FHOD3: variants seen among roughly 807,000 people sequenced by gnomAD.
FHOD3 encodes formin homology 2 domain containing 3.
A neutral mutation model predicts 173.0 loss-of-function variants in FHOD3; 90 were observed. That is an observed-to-expected ratio of 0.52 (90% CI 0.44 to 0.62). The LOEUF (loss-of-function observed/expected upper bound fraction) is 0.62. FHOD3 is among the 20% of genes least tolerant of loss of function. The probability of loss-of-function intolerance (pLI) is 0.00; values close to 1 mark genes in which losing one functional copy is unlikely to be tolerated. For synonymous variants in FHOD3, 828 were observed against 823.0 expected, an observed-to-expected ratio of 1.01 and a Z score of -0.10; for missense variants, 1,945 against 2,034.7, an observed-to-expected ratio of 0.96 and a Z score of 0.85.
chr18:36,699,375 ACACT>A (rs2039456004), intron 17 of FHOD3, among the ~76,000 whole-genome samples: 1 of 152,194 alleles, frequency 6.6e-6, no homozygotes, highest in Admixed American at 6.5e-5. Context: ...GCATCTGGAG[ACACT>A]CACAGAGAAT....
intron 17 of FHOD3, among the ~76,000 whole-genome samples, chr18:36,696,861 G>C (rs2039313606): frequency 6.6e-6 from 1 of 152,146 alleles, no homozygotes; most frequent in Non-Finnish European, 1.5e-5. Context: ...CCCAAAGTTT[G>C]GGCAAACATG....
chr18:36,582,357 G>A (rs2058882648), intron 6 of FHOD3, among the ~76,000 whole-genome samples: 1 of 152,300 alleles, frequency 6.6e-6, no homozygotes, highest in Non-Finnish European at 1.5e-5. Flanking sequence ...GTAAATAATA[G>A]AATCCTAGCC....
chr18:36,642,582 C>CAAAAAAAAAAAAAA, intron 10 of FHOD3, among the ~76,000 whole-genome samples: 1 of 61,818 alleles, frequency 1.6e-5, no homozygotes, highest in Non-Finnish European at 3.7e-5. Flanking sequence ...GACTCCGTCT[C>CAAAAAAAAAAAAAA]AAAAAAAAAA....
intron 3 of FHOD3, among the ~76,000 whole-genome samples, chr18:36,398,239 T>C (rs2048643333): frequency 6.6e-6 from 1 of 152,226 alleles, no homozygotes; most frequent in Admixed American, 6.5e-5. Context: ...ATGAAAACAA[T>C]TCAGTGCTAT....
chr18:36,655,121 T>G (rs1049540442), intron 13 of FHOD3, among the ~76,000 whole-genome samples: 1 of 148,846 alleles, frequency 6.7e-6, no homozygotes, highest in East Asian at 2.0e-4. Flanking sequence ...TCCTTGAAAC[T>G]ACAAGTTCTC....
chr18:36,370,882 G>T (rs2047151665), intron 2 of FHOD3, among the ~76,000 whole-genome samples: 1 of 152,148 alleles, frequency 6.6e-6, no homozygotes, highest in South Asian at 2.1e-4. Context: ...TTCTTGGCAA[G>T]TCAAACAAAA....
At chr18:36,676,623 T>A (rs753217357) in intron 14 of FHOD3, among the ~76,000 whole-genome samples, 1 of 152,194 alleles carries the variant, frequency 6.6e-6, no homozygotes, top group Non-Finnish European at 1.5e-5. Flanking sequence ...AATGATTATA[T>A]TAATTTCGAC....
chr18:36,413,277 C>T (rs191987704), intron 3 of FHOD3, among the ~76,000 whole-genome samples: 271 of 152,278 alleles, frequency 1.8e-3, no homozygotes, highest in Non-Finnish European at 2.6e-3. Flanking sequence ...TTTCCGGGTG[C>T]GCAGCTCAGC....
chr18:36,759,143 T>C lies in FHOD3; in HGVS notation c.4449+2T>C, dbSNP rs1276085592. On this transcript the variant is annotated splice_donor_variant, in intron 26 of 28. Transcript: ENST00000590592. LOFTEE classifies it high-confidence loss of function. ...ACTGATGAGGAGGAGGAAGTTGAGG[T>C]ATGACCATTTATGAACATGAAGAAT... 22 of 1,535,866 alleles carry C rather than the reference T, an allele frequency of 1.4e-5. No individual in the cohort carries two copies. The highest frequency in any genetic ancestry group is 1.8e-5 in the Non-Finnish European group (21 of 1,146,672).
chr18:36,332,122 TC>T (rs1038420339), intron 1 of FHOD3, among the ~76,000 whole-genome samples: 19 of 152,218 alleles, frequency 1.2e-4, no homozygotes, highest in African/African-American at 4.6e-4. Flanking sequence ...AACATTGTGC[TC>T]ACTGTAAAGG....
Position 36,297,961 on chromosome 18 carries a change from G to T in FHOD3, c.126G>T (p.Gln42His). Residue 42 changes from glutamine to histidine, a missense_variant, in exon 1 of 29, where the codon CAG (glutamine) becomes CAT (histidine). This residue lies in a region of FHOD3 where 245 missense variants were observed against 267.7 expected (regional missense o/e 0.92). Transcript: ENST00000590592. ...TFREDLALGT[Q>H]LAGVHRLLQA... ...GCGAGGACCTCGCGCTCGGCACCCA[G>T]CTGGCGGGGGTCCATAGGCTGCTGC... 6.4e-7 allele frequency: 1 copy of T among 1,565,734 alleles called. No homozygotes were observed. Among genetic ancestry groups the T allele is most frequent in the Non-Finnish European group, 8.6e-7 (1 of 1,157,206 alleles).
chr18:36,349,620 C>T (rs1004399531), intron 1 of FHOD3, among the ~76,000 whole-genome samples: 15 of 152,172 alleles, frequency 9.9e-5, no homozygotes, highest in African/African-American at 3.1e-4. Context: ...GGCTATGGAT[C>T]GCTGTGGACC....
intron 3 of FHOD3, among the ~76,000 whole-genome samples, chr18:36,400,072 C>T (rs1023908265): frequency 2.6e-4 from 40 of 152,204 alleles, no homozygotes; most frequent in Non-Finnish European, 5.9e-5. Context: ...CCTCAGCTCC[C>T]CATGCATCTT....
intron 16 of FHOD3, among the ~76,000 whole-genome samples, chr18:36,692,596 A>G (rs947321210): frequency 2.9e-5 from 4 of 135,838 alleles, no homozygotes; most frequent in African/African-American, 1.1e-4. Context: ...AATAAACTCT[A>G]TGTGACGTCA....
rs201618945 is a variant in FHOD3, at chr18:36,747,059, C to T, written c.4156C>T (p.Arg1386Trp). 8.7e-5 allele frequency: 141 copies of T among 1,613,878 alleles called. No homozygotes were observed. Among genetic ancestry groups the T allele is most frequent in the Admixed American group, 2.0e-4 (12 of 59,968 alleles). ...KHEMKPVLKQ[R>W]MSEFLKDCAE... The stretch of plus-strand genomic sequence containing the variant: ...TGAAATGAAACCAGTTTTAAAACAA[C>T]GGATGTCAGAGTTCCTGAAAGACTG... Residue 1386 changes from arginine (R) to tryptophan (W), a missense_variant, in exon 24 of 29, where the codon CGG becomes TGG. Physicochemically the swap from Arg to Trp is moderately radical, Grantham distance 101. Transcript: ENST00000590592.
At chr18:36,335,291 C>G (rs1023288728) in intron 1 of FHOD3, among the ~76,000 whole-genome samples, 1 of 151,738 alleles carries the variant, frequency 6.6e-6, no homozygotes, top group African/African-American at 2.4e-5. Context: ...GTCAGGAGAT[C>G]GAGACCATCC....
intron 20 of FHOD3, among the ~76,000 whole-genome samples, chr18:36,731,801 A>G (rs1371874728): frequency 7.2e-5 from 11 of 152,212 alleles, no homozygotes; most frequent in Non-Finnish European, 1.6e-4. Context: ...CAGTGGGCAC[A>G]CAGTACGTAG....
chr18:36,622,435 A>G (rs540137546), intron 9 of FHOD3, among the ~76,000 whole-genome samples: 16 of 152,374 alleles, frequency 1.1e-4, no homozygotes, highest in African/African-American at 3.6e-4. Flanking sequence ...TGTCACCTTA[A>G]GTTGCCCCTA....
intron 23 of FHOD3, among the ~76,000 whole-genome samples, 195 bp downstream of exon 23, chr18:36,744,388 G>T (rs1410387059): frequency 6.6e-6 from 1 of 152,188 alleles, no homozygotes; most frequent in African/African-American, 2.4e-5. Flanking sequence ...CCTATCTCTG[G>T]TTCTCAGTCA....
Sources: allele counts gnomAD v4.1 joint callset (sites outside exome capture counted in the v4.1 genomes callset), GRCh38; gene constraint gnomAD v4.1.1; regional missense constraint gnomAD v4.1.1; transcripts MANE v1.5; gene names NCBI Gene and HGNC (gene_info 2026-07-23, HGNC 2026-07-21).